Variants in WTAP observed in about 807,000 individuals in gnomAD.
WTAP encodes the protein pre-mRNA-splicing regulator WTAP.
A neutral mutation model predicts 50.0 loss-of-function variants in WTAP; 8 were observed. The observed-to-expected ratio is 0.16, with a 90% CI of 0.09 to 0.29. WTAP has a LOEUF of 0.29. WTAP is among the 10% of genes least tolerant of loss of function. The probability of loss-of-function intolerance (pLI) is 1.00; values close to 1 mark genes in which losing one functional copy is unlikely to be tolerated. For synonymous variants in WTAP, 194 were observed against 169.0 expected (o/e 1.15, Z -1.15); for missense variants, 295 against 470.7 (o/e 0.63, Z 3.45).
intron 7 of WTAP, among the ~76,000 whole-genome samples, chr6:159,753,970 A>G (rs1779914339): frequency 6.6e-6 from 1 of 152,230 alleles, no homozygotes; most frequent in Non-Finnish European, 1.5e-5. Context: ...TGTAAATCTT[A>G]GAAACATGGG....
intron 1 of WTAP, among the ~76,000 whole-genome samples, chr6:159,733,931 A>G (rs1583069468): frequency 6.6e-6 from 1 of 152,322 alleles, no homozygotes; most frequent in Admixed American, 6.5e-5. Flanking sequence ...AAAAAAGATT[A>G]AACAGAGAAA....
chr6:159,755,233 T>G lies in WTAP; in HGVS notation c.813T>G (p.Ser271Arg). Residue 271 changes from serine to arginine, a missense_variant, in exon 8 of 8, where the codon AGT becomes AGG. Coordinates refer to ENST00000621533, the MANE Select transcript of WTAP (RefSeq NM_001270531.2). ...EQSEATSKDC[S>R]RLTNGPSNGS... The stretch of plus-strand genomic sequence containing the variant: ...CAGAGGCCACAAGTAAAGACTGCAG[T>G]CGTCTGACAAACGGACCAAGTAATG... 2 of 1,614,168 alleles carry G rather than the reference T, an allele frequency of 1.2e-6. No individual in the cohort carries two copies. The highest frequency in any genetic ancestry group is 1.7e-6 in the Non-Finnish European group (2 of 1,180,028).
At chr6:159,753,374 T>C (rs765209751) in intron 6 of WTAP, 86 bp from the exon 7 acceptor site, 2 of 1,556,072 alleles carry the variant, frequency 1.3e-6, no homozygotes, top group Non-Finnish European at 1.8e-6. Flanking sequence ...TATGTTTGTA[T>C]GTGTTACATC....
At chr6:159,745,385 C>T (rs993973294) in intron 5 of WTAP, among the ~76,000 whole-genome samples, 8 of 152,044 alleles carry the variant, frequency 5.3e-5, no homozygotes, top group Non-Finnish European at 1.0e-4. Flanking sequence ...CTTGTCTCCT[C>T]GACCTGGATT....
chr6:159,752,105 A>T (rs1779842123), intron 6 of WTAP, among the ~76,000 whole-genome samples: 1 of 152,078 alleles, frequency 6.6e-6, no homozygotes, highest in Admixed American at 6.5e-5. Flanking sequence ...ACCATGCAAC[A>T]CTTCAAAGAT....
chr6:159,736,262 C>T lies in WTAP; in HGVS notation c.-4C>T. 6.3e-7 allele frequency: 1 copy of T among 1,597,594 alleles called. No homozygotes were observed. The highest frequency in any genetic ancestry group is 1.1e-5 in the South Asian group (1 of 87,262). On this transcript the variant is annotated 5_prime_UTR_variant, in exon 2 of 8. Coordinates refer to ENST00000621533, the MANE Select transcript of WTAP (RefSeq NM_001270531.2). Reference sequence around the variant, plus strand: ...TTCCGCAACTTTTTTTTTTAGGATTCAAGATGACCAACGAAGAACCTCTTC... The same window carrying T: ...TTCCGCAACTTTTTTTTTTAGGATTTAAGATGACCAACGAAGAACCTCTTC...
intron 2 of WTAP, among the ~76,000 whole-genome samples, chr6:159,738,663 C>A (rs1168310956): frequency 6.6e-6 from 1 of 152,090 alleles, no homozygotes; most frequent in African/African-American, 2.4e-5. Flanking sequence ...TTTTTATATT[C>A]TCACCTGCAG....
intron 3 of WTAP, among the ~76,000 whole-genome samples, chr6:159,739,508 G>A (rs1054465724): frequency 3.6e-4 from 54 of 152,052 alleles, no homozygotes; most frequent in African/African-American, 6.5e-4. Flanking sequence ...GAATTTCTGC[G>A]GTTATCTTGT....
At position 159,727,660 on chromosome 6, in the gene WTAP, G is replaced by T; in HGVS notation, c.-52G>T. Reference sequence around the variant, plus strand: ...GCGGCAGGGCAAGCAGCGCGGCCTCGGCCTATGCGACCGGTGGCGCCGGCG... The same window carrying T: ...GCGGCAGGGCAAGCAGCGCGGCCTCTGCCTATGCGACCGGTGGCGCCGGCG... On this transcript the variant is annotated 5_prime_UTR_variant, in exon 1 of 8. Coordinates refer to ENST00000621533, the MANE Select transcript of WTAP (RefSeq NM_001270531.2). The T allele has an allele frequency of 1.0e-6, 1 of 985,616 alleles. No individual in the cohort carries two copies. The highest frequency in any genetic ancestry group is 1.2e-6 in the Non-Finnish European group (1 of 830,326). The allele number at this position is 985,616 out of a possible 1,614,324, so 61.1% of individuals were successfully genotyped here. A position where few individuals can be genotyped will look rare whatever the true frequency, so the allele number is the denominator to read the frequency against.
At chr6:159,740,970 G>A (rs573550973) in intron 3 of WTAP, among the ~76,000 whole-genome samples, 137 of 152,084 alleles carry the variant, frequency 9.0e-4, no homozygotes, top group Admixed American at 1.4e-3. Flanking sequence ...CCAAAGTGCT[G>A]GGATTACAGG....
chr6:159,731,483 A>G (rs970351242), intron 1 of WTAP, among the ~76,000 whole-genome samples: 1 of 152,180 alleles, frequency 6.6e-6, no homozygotes, highest in Non-Finnish European at 1.5e-5. Flanking sequence ...AAGAGAGGAA[A>G]AAAAGAAAAT....
chr6:159,753,257 TAGGG>T, intron 6 of WTAP, 199 bp from the exon 7 acceptor site: 1 of 662,168 alleles, frequency 1.5e-6, no homozygotes, highest in Non-Finnish European at 2.5e-6. Context: ...ACTTTTTGTT[TAGGG>T]TTTATTTTTA....
At chr6:159,731,259 A>C (rs1299420022) in intron 1 of WTAP, among the ~76,000 whole-genome samples, 1 of 151,766 alleles carries the variant, frequency 6.6e-6, no homozygotes, top group African/African-American at 2.4e-5. Context: ...CCAGGAGTTC[A>C]AGACCAGCCT....
At chr6:159,749,320 A>G (rs1779737811) in intron 6 of WTAP, 4 of 985,874 alleles carry the variant, frequency 4.1e-6, no homozygotes, top group Non-Finnish European at 4.8e-6. Context: ...CACATGTTTA[A>G]AAGAGCTTTG....
intron 1 of WTAP, among the ~76,000 whole-genome samples, chr6:159,732,469 TAC>T (rs1271250317): frequency 1.3e-5 from 2 of 152,214 alleles, no homozygotes; most frequent in African/African-American, 4.8e-5. Flanking sequence ...TATACATAGA[TAC>T]AGATACTGAT....
intron 6 of WTAP, among the ~76,000 whole-genome samples, chr6:159,751,225 C>T (rs554120372): frequency 1.1e-4 from 16 of 152,172 alleles, no homozygotes; most frequent in Non-Finnish European, 2.2e-4. Flanking sequence ...ATATGACTAT[C>T]TTAGCTTAGA....
Position 159,754,879 on chromosome 6 carries a change from C to T in WTAP, c.608-149C>T, listed in dbSNP as rs1376978215. 7 of 905,206 alleles carry T rather than the reference C, an allele frequency of 7.7e-6. No homozygotes were observed. In the East Asian group the frequency reaches 1.9e-4, roughly 25 times the overall value. The allele number at this position is 905,206 out of a possible 1,614,324, so 56.1% of individuals were successfully genotyped here. On this transcript the variant is annotated intron_variant, in intron 7 of 7. Transcript: ENST00000621533. ...CAAACTCAGTCATATTTTAAGATTC[C>T]AAGCAAAATTTTTAAATGTAGTGTG...
At chr6:159,744,493 T>TGTCTC (rs1196273814) in intron 5 of WTAP, among the ~76,000 whole-genome samples, 6 of 150,680 alleles carry the variant, frequency 4.0e-5, no homozygotes, top group African/African-American at 1.5e-4. Flanking sequence ...AGTATTCTGG[T>TGTCTC]CATTGGAGAC....
chr6:159,736,180 A>G, intron 1 of WTAP, 78 bp from the exon 2 acceptor site: 1 of 1,367,876 alleles, frequency 7.3e-7, no homozygotes, highest in Non-Finnish European at 1.0e-6. Flanking sequence ...AATTGATTTG[A>G]AAGAGTCAGT....
Sources: gnomAD v4.1 joint callset for allele counts (sites outside exome capture counted in the v4.1 genomes callset) on GRCh38, gnomAD v4.1.1 for gene constraint, MANE v1.5 for transcripts, NCBI Gene and HGNC (gene_info 2026-07-23, HGNC 2026-07-21) for gene names.